The following IL2RB variants were observed in gnomAD, a reference collection of about 807,000 sequenced individuals.
IL2RB encodes interleukin 2 receptor subunit beta.
IL2RB carries 17 observed loss-of-function variants against 44.2 expected under a neutral mutation model. The ratio of observed to expected loss-of-function variants is 0.38; its 90% CI spans 0.26 to 0.58. The LOEUF (loss-of-function observed/expected upper bound fraction) is 0.58, where lower values mean the gene tolerates loss of function less well. Ranked by LOEUF, IL2RB falls within the 20% of genes least tolerant of loss-of-function variation. IL2RB has a pLI of 0.63. For synonymous variants in IL2RB, 286 were observed against 297.9 expected (o/e 0.96, Z 0.41); for missense variants, 624 against 685.5 (o/e 0.91, Z 1.00).
At chr22:37,140,881 G>C (rs1451293508) in intron 4 of IL2RB, among the ~76,000 whole-genome samples, 1 of 152,136 alleles carries the variant, frequency 6.6e-6, no homozygotes, top group Non-Finnish European at 1.5e-5. Context: ...TGTGACCTTG[G>C]GCAGAGACCA....
At chr22:37,154,574 T>TG (rs1922610112), upstream of IL2RB, among the ~76,000 whole-genome samples, 1 of 136,168 alleles carries the variant, frequency 7.3e-6, no homozygotes, top group Non-Finnish European at 1.6e-5. Context: ...TCTTTTTTTT[T>TG]CTTTTTTTTT....
Position 37,126,608 on chromosome 22 carries a change from T to G in IL2RB, c.*1488A>C, listed in dbSNP as rs139628494. The G allele has an allele frequency of 6.6e-6, 1 of 152,304 alleles. No homozygotes were observed. Among genetic ancestry groups the G allele is most frequent in the East Asian group, 1.9e-4 (1 of 5,170 alleles). 9.4% of individuals were successfully genotyped at this position (152,304 alleles called of 1,614,324 possible). A position where few individuals can be genotyped will look rare whatever the true frequency, so the allele number is the denominator to read the frequency against. On this transcript the variant is annotated 3_prime_UTR_variant, in exon 10 of 10. Transcript: ENST00000216223. ...CTCATAGGCTGCTGGTCAGAGCCTG[T>G]GGGGGCGTGTGGTCAGGTGCCCAAT...
At chr22:37,138,327 G>A (rs955418192) in intron 5 of IL2RB, among the ~76,000 whole-genome samples, 30 of 152,206 alleles carry the variant, frequency 2.0e-4, no homozygotes, top group African/African-American at 7.0e-4. Context: ...TACATGGTAA[G>A]CAGTTTCTAT....
chr22:37,148,055 A>G (rs796067480), intron 1 of IL2RB, among the ~76,000 whole-genome samples: 17 of 152,316 alleles, frequency 1.1e-4, no homozygotes, highest in African/African-American at 3.8e-4. Context: ...CCAGTGTGTG[A>G]GGAAGGTGCT....
intron 2 of IL2RB, among the ~76,000 whole-genome samples, chr22:37,143,884 C>CGCGT (rs1555897710): frequency 2.1e-5 from 3 of 139,818 alleles, no homozygotes; most frequent in African/African-American, 8.7e-5. Context: ...CTTGGAGAGG[C>CGCGT]GTGTGTGTGT....
At chr22:37,139,288 C>A (rs2281093) in intron 4 of IL2RB, 66 bp from the exon 5 acceptor site, 2 of 1,079,884 alleles carry the variant, frequency 1.9e-6, no homozygotes, top group Non-Finnish European at 2.8e-6. Flanking sequence ...GGGAGGCCAC[C>A]GGGATGACCT....
At position 37,139,077 on chromosome 22, in the gene IL2RB, C is replaced by T. The variant is rs750513817; in HGVS notation, c.388+40G>A. ...CAGAGGAGGTGGAAGGAAGGAGGTGCCCAGCCCTGCCCCAGCCCCACCCTG... is the reference window on the plus strand; with the variant it reads ...CAGAGGAGGTGGAAGGAAGGAGGTGTCCAGCCCTGCCCCAGCCCCACCCTG... On this transcript the variant is annotated intron_variant, in intron 5 of 9. Transcript: ENST00000216223. 76 of 1,339,560 alleles carry T rather than the reference C, an allele frequency of 5.7e-5. No individual in the cohort carries two copies. In the East Asian group the frequency reaches 1.7e-3, roughly 30 times the overall value. The allele number at this position is 1,339,560 out of a possible 1,614,324, so 83.0% of individuals were successfully genotyped here. A position where few individuals can be genotyped will look rare whatever the true frequency, so the allele number is the denominator to read the frequency against.
chr22:37,132,321 C>T (rs1404799504), intron 9 of IL2RB, 63 bp downstream of exon 9: 18 of 1,306,216 alleles, frequency 1.4e-5, no homozygotes, highest in East Asian at 2.4e-5. Flanking sequence ...AGCTACTAAC[C>T]TGCCACCCCC....
In IL2RB at chr22:37,141,603, G is replaced by A. The variant is rs1246028771; in HGVS notation, c.282+831C>T. 6.6e-6 allele frequency among the ~76,000 whole-genome samples: 1 copy of A among 152,152 alleles called. No homozygotes were observed. Among genetic ancestry groups the A allele is most frequent in the African/African-American group, 2.4e-5 (1 of 41,448 alleles). On this transcript the variant is annotated intron_variant, in intron 4 of 9. Transcript: ENST00000216223. This position sits in a 1 kb window ranked among gnomAD's most constrained non-coding sequence, Gnocchi z 4.4. ...TCTCTACTGCCCCCACAAGCTCAGG[G>A]GTGTCTGCTCCCACTGTCTGGCCTC...
chr22:37,139,076 G>T (rs767898168), intron 5 of IL2RB, 41 bp downstream of exon 5: 2 of 1,318,992 alleles, frequency 1.5e-6, no homozygotes, highest in African/African-American at 1.4e-5. Flanking sequence ...GGAAGGAGGT[G>T]CCCAGCCCTG....
chr22:37,155,768 C>T (rs368466584), intron 1 of IL2RB, among the ~76,000 whole-genome samples: 2 of 70 alleles, frequency 0.029, no homozygotes, highest in African/African-American at 0.062. Flanking sequence ...GCCTCCTCCA[C>T]GAGCTCCACG....
rs1375535883 is a variant in IL2RB, at chr22:37,128,868, G to A, written c.904-20C>T. ...CCACTTCTGGTGGGAGAAAGGCCAG[G>A]GGTGGGTGAGTGGGGGCTTCCTTCA... On this transcript the variant is annotated intron_variant, in intron 9 of 9. Coordinates refer to ENST00000216223, the MANE Select transcript of IL2RB (RefSeq NM_000878.5). The surrounding 1 kb of genome is among the most constrained non-coding windows in gnomAD (Gnocchi z 4.5). 6.3e-7 allele frequency: 1 copy of A among 1,578,018 alleles called. No individual in the cohort carries two copies. The highest frequency in any genetic ancestry group is 8.6e-7 in the Non-Finnish European group (1 of 1,158,494).
intron 9 of IL2RB, among the ~76,000 whole-genome samples, chr22:37,130,211 CG>C (rs1569040579): frequency 6.6e-6 from 1 of 152,216 alleles, no homozygotes; most frequent in Non-Finnish European, 1.5e-5. Context: ...AAGCACTGGT[CG>C]GGTGAGATTC....
intron 1 of IL2RB, among the ~76,000 whole-genome samples, chr22:37,172,165 A>G (rs190108950): frequency 6.8e-6 from 1 of 147,700 alleles, no homozygotes; most frequent in East Asian, 2.0e-4. Context: ...ACCTCAGTTG[A>G]GGCTCTCTGG....
At chr22:37,135,268 G>T in intron 8 of IL2RB, 60 bp downstream of exon 8, 1 of 1,073,380 alleles carries the variant, frequency 9.3e-7, no homozygotes, top group Non-Finnish European at 1.4e-6. Flanking sequence ...GCATGTGTGT[G>T]CATGTGTGTG....
rs539110502 is a variant in IL2RB, at chr22:37,148,423, T to C, written c.-34+1402A>G. Among the ~76,000 whole-genome samples, 5 of 152,302 alleles carry C rather than the reference T, an allele frequency of 3.3e-5. No individual in the cohort carries two copies. The East Asian group carries it at 9.7e-4, about 29-fold the overall frequency. ...GACCTCGAGTTTGAGCACCCCCTCC[T>C]GGGTCCTCAGGCACACCCACACGTG... On this transcript the variant is annotated intron_variant, in intron 1 of 9. Coordinates refer to ENST00000216223, the MANE Select transcript of IL2RB (RefSeq NM_000878.5).
chr22:37,158,221 T>C (rs1305215634), intron 1 of IL2RB, among the ~76,000 whole-genome samples: 2 of 152,068 alleles, frequency 1.3e-5, no homozygotes, highest in South Asian at 2.1e-4. Flanking sequence ...TTAGGGAACT[T>C]CCATCCAGTG....
At position 37,128,599 on chromosome 22, in the gene IL2RB, C is replaced by T. The variant is rs182482913; in HGVS notation, c.1153G>A (p.Asp385Asn). ...IEACQVYFTY[D>N]PYSEEDPDEG... is the part of the protein sequence containing the mutation. ...TCAGGGTCTTCCTCTGAGTAGGGGT[C>T]GTAAGTAAAGTACACCTGGCAGGCC... The change falls in exon 10 of 10, where the codon GAC becomes AAC. Residue 385 changes from aspartate (D) to asparagine (N), a missense_variant. Asp to Asn is a conservative substitution (Grantham distance 23). Coordinates refer to ENST00000216223, the MANE Select transcript of IL2RB (RefSeq NM_000878.5). This position sits in a 1 kb window ranked among gnomAD's most constrained non-coding sequence, Gnocchi z 4.5. The T allele has an allele frequency of 1.7e-5, 27 of 1,614,060 alleles. No individual in the cohort carries two copies. The highest frequency in any genetic ancestry group is 3.3e-4 in the Middle Eastern group (2 of 6,060).
intron 9 of IL2RB, among the ~76,000 whole-genome samples, chr22:37,131,938 G>T (rs929010039): frequency 2.6e-5 from 4 of 152,110 alleles, no homozygotes; most frequent in South Asian, 4.2e-4. Flanking sequence ...GCTTCACCAT[G>T]TTGGTCAGGC....
Sources: gnomAD v4.1 joint callset for allele counts (sites outside exome capture counted in the v4.1 genomes callset) on GRCh38, gnomAD v4.1.1 for gene constraint, Gnocchi (gnomAD v3.1) non-coding constraint, MANE v1.5 for transcripts, NCBI Gene and HGNC (gene_info 2026-07-23, HGNC 2026-07-21) for gene names.